TMEFF2: variants seen among roughly 807,000 people sequenced by gnomAD.
The protein encoded by TMEFF2 is transmembrane protein with EGF like and two follistatin like domains 2.
A neutral mutation model predicts 53.8 loss-of-function variants in TMEFF2; 28 were observed. That is an observed-to-expected ratio of 0.52 (90% CI 0.39 to 0.71). The LOEUF (loss-of-function observed/expected upper bound fraction) is 0.71, where lower values mean the gene tolerates loss of function less well. Among genes scored for constraint, TMEFF2 ranks in the 30% least tolerant of loss-of-function variants. The pLI, the probability that TMEFF2 is intolerant of heterozygous loss-of-function variation, is 0.00. For missense variants in TMEFF2, 353 were observed against 455.2 expected (o/e 0.78, Z 2.04); for synonymous variants, 162 against 166.3 (o/e 0.97, Z 0.20).
intron 4 of TMEFF2, among the ~76,000 whole-genome samples, chr2:192,129,478 ATAC>A (rs372139289): frequency 4.7e-4 from 71 of 152,328 alleles, no homozygotes; most frequent in African/African-American, 1.7e-3. Flanking sequence ...ATGGGTTTTA[ATAC>A]TACTTTAGTT....
At chr2:191,977,467 T>C (rs1387871434) in intron 7 of TMEFF2, among the ~76,000 whole-genome samples, 1 of 152,198 alleles carries the variant, frequency 6.6e-6, no homozygotes, top group Admixed American at 6.5e-5. Flanking sequence ...TTTTAAAGGC[T>C]TGCATAGTTG....
chr2:192,103,505 A>C (rs543017896), intron 4 of TMEFF2, among the ~76,000 whole-genome samples: 5 of 152,064 alleles, frequency 3.3e-5, no homozygotes, highest in Non-Finnish European at 7.4e-5. Context: ...CATTTAGTTC[A>C]ACTAGGACTT....
In TMEFF2 at chr2:192,034,442, G is replaced by A. The variant is rs113841923; in HGVS notation, c.536+23237C>T. On this transcript the variant is annotated intron_variant, in intron 5 of 9. Transcript: ENST00000272771. ...CATGGGGAAAAAAAATCACGAATATGTTGCACGTTGTAGGAACAAAAATGG... is the reference window on the plus strand; with the variant it reads ...CATGGGGAAAAAAAATCACGAATATATTGCACGTTGTAGGAACAAAAATGG... Among the ~76,000 whole-genome samples, 9 of 152,174 alleles carry A rather than the reference G, an allele frequency of 5.9e-5. 1 individual carries two copies. The highest frequency in any genetic ancestry group is 2.2e-4 in the African/African-American group (9 of 41,532).
intron 7 of TMEFF2, among the ~76,000 whole-genome samples, chr2:191,964,398 C>CTTTCTTTTTCTT (rs200251020): frequency 1.9e-5 from 1 of 51,750 alleles, no homozygotes; most frequent in Non-Finnish European, 3.7e-5. Flanking sequence ...TTCTTTCTTT[C>CTTTCTTTTTCTT]TCTTTCTTTC....
intron 5 of TMEFF2, among the ~76,000 whole-genome samples, chr2:192,023,721 T>G (rs1243982072): frequency 6.6e-6 from 1 of 152,150 alleles, no homozygotes. Context: ...ATTTATTAGT[T>G]GGGAAAATTT....
chr2:192,034,686 T>C (rs1406555463), intron 5 of TMEFF2: 1 of 152,240 alleles, frequency 6.6e-6, no homozygotes, highest in Non-Finnish European at 1.5e-5. Flanking sequence ...TTTTATCCTT[T>C]GTCATAGGCA....
chr2:192,084,480 A>AT (rs1688622407), intron 4 of TMEFF2, among the ~76,000 whole-genome samples: 2 of 152,136 alleles, frequency 1.3e-5, no homozygotes, highest in African/African-American at 4.8e-5. Flanking sequence ...TATTCTCTAT[A>AT]TTTTTTAAAA....
intron 4 of TMEFF2, among the ~76,000 whole-genome samples, chr2:192,115,591 AG>A (rs1467338268): frequency 1.3e-5 from 2 of 152,174 alleles, no homozygotes; most frequent in East Asian, 3.9e-4. Context: ...GTATATGAGA[AG>A]GGGTTAATAT....
chr2:191,955,356 T>TA (rs1692041657), intron 8 of TMEFF2, among the ~76,000 whole-genome samples: 1 of 150,674 alleles, frequency 6.6e-6, no homozygotes, highest in Non-Finnish European at 1.5e-5. Flanking sequence ...TATATATTAA[T>TA]ATATATATAA....
chr2:192,053,786 T>C (rs924691703), intron 5 of TMEFF2, among the ~76,000 whole-genome samples: 1 of 152,216 alleles, frequency 6.6e-6, no homozygotes, highest in Non-Finnish European at 1.5e-5. Flanking sequence ...TATTGCTTCC[T>C]ATCTTACTTT....
At chr2:191,987,021 T>G (rs990658289) in intron 7 of TMEFF2, among the ~76,000 whole-genome samples, 15 of 152,050 alleles carry the variant, frequency 9.9e-5, no homozygotes, top group African/African-American at 3.6e-4. Flanking sequence ...CTTCTAGACC[T>G]CATCTAATAT....
rs745374549 is a variant in TMEFF2 at position 192,179,661 on chromosome 2, C to T, written c.439+7G>A. On this transcript the variant is annotated splice_region_variant and intron_variant, in intron 4 of 9. Transcript: ENST00000272771. ...AATCTTCAAATATGTAAAAAGGCAA[C>T]TCCTACCTCCATCTCCAGATCCTGA... 3.2e-5 allele frequency: 49 copies of T among 1,550,208 alleles called. No homozygotes were observed. The highest frequency in any genetic ancestry group is 4.3e-5 in the Non-Finnish European group (49 of 1,152,232).
intron 7 of TMEFF2, among the ~76,000 whole-genome samples, chr2:191,971,380 G>A (rs892121569): frequency 6.6e-6 from 1 of 152,174 alleles, no homozygotes; most frequent in Non-Finnish European, 1.5e-5. Context: ...GTTCCTAGAA[G>A]TAAAATGGCT....
intron 5 of TMEFF2, among the ~76,000 whole-genome samples, chr2:192,002,391 T>A (rs1317999504): frequency 6.6e-6 from 1 of 152,178 alleles, no homozygotes; most frequent in African/African-American, 2.4e-5. Flanking sequence ...TATACTTGCA[T>A]ATATTAAATA....
chr2:191,977,663 C>A (rs1574260814), intron 7 of TMEFF2, among the ~76,000 whole-genome samples: 1 of 152,030 alleles, frequency 6.6e-6, no homozygotes, highest in African/African-American at 2.4e-5. Flanking sequence ...AGGTTTAGGT[C>A]ATTTCTCAAA....
chr2:191,994,895 C>G (rs1254903459), intron 7 of TMEFF2, among the ~76,000 whole-genome samples: 1 of 151,922 alleles, frequency 6.6e-6, no homozygotes, highest in Non-Finnish European at 1.5e-5. Flanking sequence ...TTATTCAAAG[C>G]TCTGTAATGC....
chr2:192,150,496 T>A (rs1574416666), intron 4 of TMEFF2, among the ~76,000 whole-genome samples: 1 of 151,836 alleles, frequency 6.6e-6, no homozygotes, highest in South Asian at 2.1e-4. Flanking sequence ...CAGGGATGTT[T>A]TTGGTGGATG....
intron 7 of TMEFF2, among the ~76,000 whole-genome samples, chr2:191,976,418 A>G (rs1316175302): frequency 6.6e-6 from 1 of 152,212 alleles, no homozygotes; most frequent in Admixed American, 6.5e-5. Context: ...ATAAAAAGGA[A>G]CCATTGAGAA....
At chr2:191,985,741 G>A (rs1009571692) in intron 7 of TMEFF2, among the ~76,000 whole-genome samples, 3 of 152,096 alleles carry the variant, frequency 2.0e-5, no homozygotes, top group East Asian at 3.8e-4. Context: ...AGTCTTGCTC[G>A]TTTATCATTT....
Sources: allele counts gnomAD v4.1 joint callset (sites outside exome capture counted in the v4.1 genomes callset), GRCh38; gene constraint gnomAD v4.1.1; transcripts MANE v1.5; gene names NCBI Gene and HGNC (gene_info 2026-07-23, HGNC 2026-07-21).